PPM1H: variants seen among roughly 807,000 people sequenced by gnomAD.
PPM1H encodes the protein protein phosphatase 1H.
A neutral mutation model predicts 54.9 loss-of-function variants in PPM1H; 27 were observed. That is an observed-to-expected ratio of 0.49 (90% CI 0.36 to 0.68). The LOEUF (loss-of-function observed/expected upper bound fraction) is 0.68. Among genes scored for constraint, PPM1H ranks in the 30% least tolerant of loss-of-function variants. The probability of loss-of-function intolerance (pLI) is 0.00; values close to 1 mark genes in which losing one functional copy is unlikely to be tolerated. For missense variants in PPM1H, 596 were observed against 667.8 expected (o/e 0.89, Z 1.19); for synonymous variants, 305 against 270.8 (o/e 1.13, Z -1.24).
intron 1 of PPM1H, among the ~76,000 whole-genome samples, chr12:62,890,748 A>T (rs988698197): frequency 6.6e-6 from 1 of 151,498 alleles, no homozygotes; most frequent in Admixed American, 6.6e-5. Flanking sequence ...ACACACACAC[A>T]CACACACATA....
intron 1 of PPM1H, among the ~76,000 whole-genome samples, chr12:62,916,287 C>T (rs1050248545): frequency 1.3e-5 from 2 of 152,160 alleles, no homozygotes; most frequent in Non-Finnish European, 2.9e-5. Context: ...ACTAATATGG[C>T]TTGCTAAATA....
chr12:62,856,246 T>G (rs1869383460), intron 1 of PPM1H, among the ~76,000 whole-genome samples: 1 of 152,186 alleles, frequency 6.6e-6, no homozygotes. Context: ...TTTCTTGGTC[T>G]CCTCAGACTC....
intron 8 of PPM1H, among the ~76,000 whole-genome samples, chr12:62,670,788 A>T (rs1312961193): frequency 6.6e-6 from 1 of 152,178 alleles, no homozygotes; most frequent in Non-Finnish European, 1.5e-5. Flanking sequence ...TTTGTATGAA[A>T]ATAATAAAAA....
At chr12:62,772,819 G>A (rs1160646739) in intron 4 of PPM1H, among the ~76,000 whole-genome samples, 2 of 152,216 alleles carry the variant, frequency 1.3e-5, no homozygotes, top group Non-Finnish European at 1.5e-5. Flanking sequence ...CAGGCAGGCA[G>A]TAGTAGCGGG....
chr12:62,788,451 AG>A (rs2076686043), intron 3 of PPM1H, 113 bp from the exon 4 acceptor site: 2 of 670,696 alleles, frequency 3.0e-6, no homozygotes, highest in Admixed American at 5.2e-5. Context: ...AGAAGGGACT[AG>A]AAAAATCTTT....
At chr12:62,658,480 A>AC (rs149313721) in intron 9 of PPM1H, among the ~76,000 whole-genome samples, 10,385 of 151,322 alleles carry the variant, frequency 0.069, 453 homozygotes, top group African/African-American at 0.097. Context: ...TTCCCAGGAG[A>AC]CCCCCCCACT....
chr12:62,775,161 T>A (rs2076602769), intron 4 of PPM1H, among the ~76,000 whole-genome samples: 1 of 152,208 alleles, frequency 6.6e-6, no homozygotes, highest in Admixed American at 6.5e-5. Flanking sequence ...TGATGAAAAT[T>A]GCTAATTGCA....
intron 1 of PPM1H, among the ~76,000 whole-genome samples, chr12:62,912,882 C>T (rs1415459469): frequency 1.3e-5 from 2 of 152,208 alleles, no homozygotes; most frequent in African/African-American, 4.8e-5. Context: ...CCAACTGCTT[C>T]CACCTGGCAC....
chr12:62,660,035 A>G (rs1409881132), intron 9 of PPM1H, among the ~76,000 whole-genome samples: 5 of 152,236 alleles, frequency 3.3e-5, no homozygotes, highest in Admixed American at 3.3e-4. Flanking sequence ...AAGGGCTAAT[A>G]GAGCCTCTGG....
In PPM1H at chr12:62,934,882, T is replaced by A; in HGVS notation, c.-146A>T. On this transcript the variant is annotated 5_prime_UTR_variant, in exon 1 of 10. It removes the in-frame stop codon of an upstream open reading frame in the 5' UTR. Coordinates refer to ENST00000228705, the MANE Select transcript of PPM1H (RefSeq NM_020700.2). The surrounding 1 kb of genome is among the most constrained non-coding windows in gnomAD (Gnocchi z 4.2). ...CGCGCCGCGCGCGGCTCCCAGAGCC[T>A]AGTGCTGCAGGGGGCCGAGCCCCGG... 1.3e-6 allele frequency: 1 copy of A among 753,224 alleles called. No homozygotes were observed. Among genetic ancestry groups the A allele is most frequent in the Non-Finnish European group, 1.8e-6 (1 of 561,826 alleles). The allele number at this position is 753,224 out of a possible 1,614,324, so 46.7% of individuals were successfully genotyped here.
At chr12:62,895,502 G>T (rs1183287925) in intron 1 of PPM1H, among the ~76,000 whole-genome samples, 1 of 152,086 alleles carries the variant, frequency 6.6e-6, no homozygotes, top group East Asian at 1.9e-4. Context: ...AAATTCTACT[G>T]CCCTACTGCT....
At chr12:62,803,216 A>G (rs2663957) in intron 2 of PPM1H, among the ~76,000 whole-genome samples, 31,877 of 152,086 alleles carry the variant, frequency 0.21, 3,673 homozygotes, top group African/African-American at 0.31. Flanking sequence ...CCTTACAGCT[A>G]CATGCAACCC....
intron 4 of PPM1H, among the ~76,000 whole-genome samples, chr12:62,787,582 T>C (rs1337231030): frequency 6.6e-6 from 1 of 152,218 alleles, no homozygotes; most frequent in Non-Finnish European, 1.5e-5. Flanking sequence ...CTACTCAGGC[T>C]GCTGAGGTGG....
At chr12:62,834,546 A>G (rs1419988794) in intron 1 of PPM1H, among the ~76,000 whole-genome samples, 1 of 152,180 alleles carries the variant, frequency 6.6e-6, no homozygotes, top group African/African-American at 2.4e-5. Context: ...GAAGCATAGA[A>G]TAAAAAAATC....
In PPM1H at chr12:62,712,185, G is replaced by A. The variant is rs138250052; in HGVS notation, c.1073+7986C>T. On this transcript the variant is annotated intron_variant, in intron 6 of 9. Coordinates refer to ENST00000228705, the MANE Select transcript of PPM1H (RefSeq NM_020700.2). ...GAATTTGGAACACAGGGACTTTTCA[G>A]GTGCCTAATCCCTGGCCCAGCCATT... 8.1e-3 allele frequency among the ~76,000 whole-genome samples: 1,235 copies of A among 152,076 alleles called. 15 individuals carry two copies. The highest frequency in any genetic ancestry group is 0.028 in the African/African-American group (1,161 of 41,522).
chr12:62,861,168 C>T (rs1869588263), intron 1 of PPM1H, among the ~76,000 whole-genome samples: 1 of 152,238 alleles, frequency 6.6e-6, no homozygotes, highest in South Asian at 2.1e-4. Flanking sequence ...TGCTTCTTTA[C>T]TAGCAAAATA....
chr12:62,658,068 A>AAAG (rs1159954437), intron 9 of PPM1H, among the ~76,000 whole-genome samples: 1 of 150,412 alleles, frequency 6.6e-6, no homozygotes, highest in Non-Finnish European at 1.5e-5. Context: ...AAAAAAAAAA[A>AAAG]AAAAAAAATG....
chr12:62,807,613 T>G (rs1248537655), intron 2 of PPM1H, among the ~76,000 whole-genome samples: 1 of 152,032 alleles, frequency 6.6e-6, no homozygotes, highest in Non-Finnish European at 1.5e-5. Context: ...TGCCATGGTT[T>G]GTTGTTTTTT....
intron 4 of PPM1H, among the ~76,000 whole-genome samples, chr12:62,740,187 G>C (rs342156): frequency 0.032 from 4,897 of 152,108 alleles, 248 homozygotes; most frequent in African/African-American, 0.11. Context: ...CTACATTCAG[G>C]GTCTATCTAC....
Sources: gnomAD v4.1 joint callset for allele counts (sites outside exome capture counted in the v4.1 genomes callset) on GRCh38, gnomAD v4.1.1 for gene constraint, Gnocchi (gnomAD v3.1) non-coding constraint, MANE v1.5 for transcripts, NCBI Gene and HGNC (gene_info 2026-07-23, HGNC 2026-07-21) for gene names.